The following TBC1D5 variants were observed in gnomAD, a reference collection of about 807,000 sequenced individuals.
TBC1D5 encodes the protein TBC1 domain family member 5.
In TBC1D5, 75 loss-of-function variants were observed where a neutral mutation model predicts 100.3. The observed-to-expected ratio is 0.75, with a 90% CI of 0.62 to 0.91. TBC1D5 has a LOEUF of 0.91. TBC1D5 is among the 40% of genes least tolerant of loss of function. The pLI is 0.00. For missense variants in TBC1D5, 910 were observed against 942.4 expected (o/e 0.97, Z 0.45); for synonymous variants, 323 against 325.6 (o/e 0.99, Z 0.09).
intron 15 of TBC1D5, among the ~76,000 whole-genome samples, chr3:17,271,914 T>A (rs1409520372): frequency 6.6e-6 from 1 of 152,180 alleles, no homozygotes; most frequent in Non-Finnish European, 1.5e-5. Flanking sequence ...AAGACGACCA[T>A]CTGCAACCCA....
intron 1 of TBC1D5, among the ~76,000 whole-genome samples, chr3:17,726,144 C>A (rs1252387402): frequency 6.6e-6 from 1 of 152,138 alleles, no homozygotes; most frequent in Non-Finnish European, 1.5e-5. Context: ...GATTCCATGT[C>A]TTTGCCGTCG....
chr3:17,441,924 T>C (rs543097314), intron 3 of TBC1D5, among the ~76,000 whole-genome samples: 43 of 152,314 alleles, frequency 2.8e-4, no homozygotes, highest in Admixed American at 1.5e-3. Flanking sequence ...CCACCCATAA[T>C]GGAGTACCAC....
chr3:17,439,280 C>A (rs2149510140), intron 3 of TBC1D5, among the ~76,000 whole-genome samples: 1 of 152,228 alleles, frequency 6.6e-6, no homozygotes, highest in Non-Finnish European at 1.5e-5. Flanking sequence ...TTCACTGGGA[C>A]TCTATGCAGG....
chr3:17,289,122 A>G (rs2081452974), intron 15 of TBC1D5, among the ~76,000 whole-genome samples: 1 of 152,292 alleles, frequency 6.6e-6, no homozygotes, highest in Middle Eastern at 3.4e-3. Flanking sequence ...AGTGGCTTGC[A>G]ACACACCTGG....
intron 1 of TBC1D5, chr3:17,702,194 G>A (rs1159813850): frequency 6.6e-6 from 1 of 152,114 alleles, no homozygotes; most frequent in Non-Finnish European, 1.5e-5. Flanking sequence ...TACTCTACCT[G>A]TCAAATCTTC....
At chr3:17,349,624 G>T (rs2090316732) in intron 13 of TBC1D5, among the ~76,000 whole-genome samples, 1 of 152,134 alleles carries the variant, frequency 6.6e-6, no homozygotes, top group South Asian at 2.1e-4. Flanking sequence ...AGAGGTTGGG[G>T]TTCCTAAAAA....
intron 18 of TBC1D5, among the ~76,000 whole-genome samples, chr3:17,199,626 C>T (rs928072976): frequency 6.6e-6 from 1 of 152,140 alleles, no homozygotes; most frequent in African/African-American, 2.4e-5. Flanking sequence ...ATTGAGGCCT[C>T]CTTCAAATTT....
At position 17,618,951 on chromosome 3, in the gene TBC1D5, T is replaced by C. The variant is rs191609684; in HGVS notation, c.-36+4898A>G. Reference sequence around the variant, plus strand: ...CAGTGAGATGAACCAGGTACCTCAGTTGGAAATGCAGATATCACCCGTCTT... The same window carrying C: ...CAGTGAGATGAACCAGGTACCTCAGCTGGAAATGCAGATATCACCCGTCTT... On this transcript the variant is annotated intron_variant, in intron 2 of 21. Coordinates refer to ENST00000253692, the Ensembl canonical transcript of TBC1D5. Among the ~76,000 whole-genome samples the C allele has an allele frequency of 2.6e-5, 4 of 152,298 alleles. No homozygotes were observed. In the East Asian group the frequency reaches 5.8e-4, roughly 22 times the overall value.
At chr3:17,705,939 C>G in intron 1 of TBC1D5, 2 of 1,214,250 alleles carry the variant, frequency 1.6e-6, no homozygotes, top group Non-Finnish European at 2.2e-6. Context: ...GTCCGCTCCT[C>G]CAGCCGCTGC....
chr3:17,625,711 C>G (rs1290836680), intron 1 of TBC1D5, among the ~76,000 whole-genome samples: 1 of 151,858 alleles, frequency 6.6e-6, no homozygotes, highest in Admixed American at 6.6e-5. Flanking sequence ...TTATTACAAC[C>G]TCAAAAAATC....
At chr3:17,591,252 A>AAAAC (rs1560227865) in intron 2 of TBC1D5, among the ~76,000 whole-genome samples, 9 of 139,814 alleles carry the variant, frequency 6.4e-5, no homozygotes, top group Non-Finnish European at 1.2e-4. Context: ...AAAAAAAAAA[A>AAAAC]AAAAAAAAAA....
chr3:17,471,036 C>A (rs2095366977), intron 3 of TBC1D5, among the ~76,000 whole-genome samples: 1 of 152,166 alleles, frequency 6.6e-6, no homozygotes. Context: ...AAATAGATGT[C>A]ATTGCAAGGG....
chr3:17,165,022 T>C (rs1048903885), intron 21 of TBC1D5, among the ~76,000 whole-genome samples: 1 of 152,220 alleles, frequency 6.6e-6, no homozygotes, highest in Admixed American at 6.5e-5. Flanking sequence ...TTGTGGGGTC[T>C]TCAGCCCCAG....
At chr3:17,578,390 A>G (rs1376395232) in intron 2 of TBC1D5, among the ~76,000 whole-genome samples, 2 of 152,150 alleles carry the variant, frequency 1.3e-5, no homozygotes, top group South Asian at 2.1e-4. Flanking sequence ...AATCCAAAAA[A>G]TACAGGTTTA....
chr3:17,374,586 T>C (rs1161019191), intron 11 of TBC1D5, 43 bp downstream of exon 11: 4 of 1,609,260 alleles, frequency 2.5e-6, no homozygotes, highest in South Asian at 1.1e-5. Flanking sequence ...ATTAAAATAA[T>C]GATGGTATAA....
At chr3:17,488,329 G>T (rs2095596397) in intron 3 of TBC1D5, among the ~76,000 whole-genome samples, 1 of 152,122 alleles carries the variant, frequency 6.6e-6, no homozygotes, top group Non-Finnish European at 1.5e-5. Flanking sequence ...TTTTATCACT[G>T]AATAATTCCA....
chr3:17,281,501 G>C (rs78111217), intron 15 of TBC1D5, among the ~76,000 whole-genome samples: 1 of 152,178 alleles, frequency 6.6e-6, no homozygotes, highest in South Asian at 2.1e-4. Context: ...CCACGCGTAC[G>C]AAGTGGTCAC....
At chr3:17,413,601 G>C (rs1267569407) in intron 4 of TBC1D5, among the ~76,000 whole-genome samples, 5 of 152,052 alleles carry the variant, frequency 3.3e-5, no homozygotes, top group Admixed American at 3.3e-4. Flanking sequence ...TTCTAAATTT[G>C]TTAATATCTT....
intron 4 of TBC1D5, among the ~76,000 whole-genome samples, chr3:17,409,104 A>C (rs2093852286): frequency 2.6e-5 from 4 of 152,166 alleles, no homozygotes; most frequent in Admixed American, 2.6e-4. Context: ...ATTTTACTGC[A>C]CTTCACAGGT....
Sources: allele counts gnomAD v4.1 joint callset (sites outside exome capture counted in the v4.1 genomes callset), GRCh38; gene constraint gnomAD v4.1.1; transcripts MANE v1.5; gene names NCBI Gene and HGNC (gene_info 2026-07-23, HGNC 2026-07-21).